Variants in TBC1D32 observed in about 807,000 individuals in gnomAD.
TBC1D32 encodes the protein TBC1 domain family member 32.
A neutral mutation model predicts 170.3 loss-of-function variants in TBC1D32; 151 were observed. The observed-to-expected ratio is 0.89, with a 90% CI of 0.78 to 1.01. The LOEUF (loss-of-function observed/expected upper bound fraction) is 1.01. TBC1D32 is among the 50% of genes least tolerant of loss of function. TBC1D32 has a pLI of 0.00. For missense variants in TBC1D32, 1,464 were observed against 1,457.1 expected (o/e 1.00, Z -0.08); for synonymous variants, 498 against 488.0 (o/e 1.02, Z -0.27).
intron 19 of TBC1D32, among the ~76,000 whole-genome samples, chr6:121,240,748 C>T (rs1036112293): frequency 1.3e-5 from 2 of 151,468 alleles, no homozygotes; most frequent in Admixed American, 6.6e-5. Context: ...ATTAGCCAGG[C>T]GTGGTGGTGG....
intron 4 of TBC1D32, among the ~76,000 whole-genome samples, chr6:121,309,535 A>C (rs77901384): frequency 0.033 from 4,993 of 152,252 alleles, 192 homozygotes; most frequent in East Asian, 0.12. Context: ...AGTTTGAGAA[A>C]AATAATTTTA....
chr6:121,239,840 C>T (rs568342174), intron 19 of TBC1D32, among the ~76,000 whole-genome samples: 100 of 152,120 alleles, frequency 6.6e-4, no homozygotes, highest in Non-Finnish European at 1.1e-3. Flanking sequence ...AAGTGTCAAA[C>T]ACAACATTGA....
At chr6:121,202,279 G>GAAAAAAAAAAAAAAAA (rs59539189) in intron 22 of TBC1D32, among the ~76,000 whole-genome samples, 2 of 113,888 alleles carry the variant, frequency 1.8e-5, no homozygotes, top group Non-Finnish European at 3.3e-5. Flanking sequence ...ACTAGAGAAT[G>GAAAAAAAAAAAAAAAA]AAAAAAAAAA....
chr6:121,192,976 C>T (rs1015662116), intron 22 of TBC1D32, among the ~76,000 whole-genome samples: 2 of 152,144 alleles, frequency 1.3e-5, no homozygotes, highest in Admixed American at 6.5e-5. Context: ...AGACATATAA[C>T]TAAAGTCCTG....
chr6:121,162,100 G>C (rs900859109), intron 22 of TBC1D32, among the ~76,000 whole-genome samples: 7 of 152,200 alleles, frequency 4.6e-5, no homozygotes, highest in Admixed American at 3.3e-4. Context: ...TTAGATCTTT[G>C]TCAGATGGCC....
intron 20 of TBC1D32, among the ~76,000 whole-genome samples, chr6:121,224,112 C>T (rs1474471945): frequency 6.6e-6 from 1 of 152,002 alleles, no homozygotes; most frequent in East Asian, 1.9e-4. Flanking sequence ...CCTAGTATTC[C>T]TCAGCATGAA....
At chr6:121,250,564 C>G (rs1798160408) in intron 17 of TBC1D32, among the ~76,000 whole-genome samples, 1 of 152,032 alleles carries the variant, frequency 6.6e-6, no homozygotes, top group East Asian at 1.9e-4. Flanking sequence ...TCTCAATAAA[C>G]TAGGTATTGA....
At chr6:121,313,072 A>G (rs1032803998) in intron 3 of TBC1D32, among the ~76,000 whole-genome samples, 4 of 150,338 alleles carry the variant, frequency 2.7e-5, no homozygotes, top group African/African-American at 9.8e-5. Flanking sequence ...ATCACTGGGA[A>G]TACAGGCACA....
chr6:121,222,153 T>A (rs952469105), intron 21 of TBC1D32, among the ~76,000 whole-genome samples: 11 of 148,226 alleles, frequency 7.4e-5, no homozygotes, highest in African/African-American at 2.7e-4. Flanking sequence ...TTCATTAGCA[T>A]TTTTTTGGCA....
rs780708560 is a variant in TBC1D32, at chr6:121,321,584, C to T, written c.317+49G>A. The T allele has an allele frequency of 3.9e-6, 6 of 1,555,286 alleles. No individual in the cohort carries two copies. In the East Asian group the frequency reaches 6.8e-5, roughly 18 times the overall value. ...GACAGAGATCAGGGTGCTGTCAAGA[C>T]GTCTTGTTGAAGAAGGTTATTTGAA... is the stretch of plus-strand genomic sequence containing the variant. On this transcript the variant is annotated intron_variant, in intron 2 of 31. Coordinates refer to ENST00000398212, the MANE Select transcript of TBC1D32 (RefSeq NM_152730.6).
chr6:121,090,521 T>A (rs1776695406), intron 31 of TBC1D32, among the ~76,000 whole-genome samples: 1 of 152,170 alleles, frequency 6.6e-6, no homozygotes, highest in South Asian at 2.1e-4. Flanking sequence ...TAAATATATT[T>A]AAAAAGTATC....
chr6:121,106,276 A>G (rs1192653527), intron 29 of TBC1D32, 113 bp from the exon 30 acceptor site: 10 of 507,914 alleles, frequency 2.0e-5, no homozygotes, highest in Non-Finnish European at 2.9e-5. Flanking sequence ...TGCTGCTTCA[A>G]AATTAATATG....
intron 1 of TBC1D32, among the ~76,000 whole-genome samples, chr6:121,328,664 G>A (rs1810799929): frequency 1.3e-5 from 2 of 152,094 alleles, no homozygotes; most frequent in African/African-American, 4.8e-5. Flanking sequence ...CTGTGAAGCA[G>A]GTTTGCTTCA....
chr6:121,178,630 C>T (rs1788094857), intron 22 of TBC1D32, among the ~76,000 whole-genome samples: 1 of 152,108 alleles, frequency 6.6e-6, no homozygotes, highest in South Asian at 2.1e-4. Context: ...TGTGTGATCC[C>T]CTTTTCCTGA....
At chr6:121,143,036 A>T (rs1349350608) in intron 24 of TBC1D32, among the ~76,000 whole-genome samples, 1 of 152,146 alleles carries the variant, frequency 6.6e-6, no homozygotes, top group African/African-American at 2.4e-5. Context: ...TAACACTAGT[A>T]CATATAACTA....
chr6:121,088,515 C>T (rs182793119), intron 31 of TBC1D32, among the ~76,000 whole-genome samples: 61 of 152,118 alleles, frequency 4.0e-4, no homozygotes, highest in African/African-American at 1.5e-3. Flanking sequence ...AGACAAGAGA[C>T]TATTTCAGGG....
chr6:121,083,665 C>G (rs961898202), intron 31 of TBC1D32, among the ~76,000 whole-genome samples: 1 of 151,936 alleles, frequency 6.6e-6, no homozygotes, highest in Non-Finnish European at 1.5e-5. Context: ...TCAGACTAGT[C>G]AATGAAAAAC....
intron 15 of TBC1D32, among the ~76,000 whole-genome samples, chr6:121,261,932 ACAT>A (rs1385523715): frequency 3.2e-5 from 1 of 31,662 alleles, no homozygotes; most frequent in Non-Finnish European, 1.1e-4. Flanking sequence ...TTAGAGAGGA[ACAT>A]TTTAAATGAC....
chr6:121,108,658 C>T (rs1036633957), intron 29 of TBC1D32, among the ~76,000 whole-genome samples: 56 of 151,018 alleles, frequency 3.7e-4, no homozygotes, highest in African/African-American at 1.3e-3. Context: ...AAGATTTATG[C>T]TTAAAAAAAA....
Sources: gnomAD v4.1 joint callset for allele counts (sites outside exome capture counted in the v4.1 genomes callset) on GRCh38, gnomAD v4.1.1 for gene constraint, MANE v1.5 for transcripts, NCBI Gene and HGNC (gene_info 2026-07-23, HGNC 2026-07-21) for gene names.